Variants in ZNF536 observed in about 807,000 individuals in gnomAD.
The protein encoded by ZNF536 is zinc finger protein 536.
ZNF536 carries 13 observed loss-of-function variants against 84.5 expected under a neutral mutation model. That is an observed-to-expected ratio of 0.15 (90% confidence interval 0.10 to 0.24). The LOEUF is 0.24. ZNF536 is among the 10% of genes least tolerant of loss of function. The pLI is 1.00. For synonymous variants in ZNF536, 811 were observed against 742.5 expected, an observed-to-expected ratio of 1.09 and a Z score of -1.50; for missense variants, 1,536 against 1,747.5, an observed-to-expected ratio of 0.88 and a Z score of 2.16.
intron 1 of ZNF536, among the ~76,000 whole-genome samples, chr19:30,283,060 A>G (rs1037113410): frequency 1.3e-5 from 2 of 152,198 alleles, no homozygotes; most frequent in African/African-American, 4.8e-5. Context: ...AATCAGTACA[A>G]ACTTCTTCGG....
intron 1 of ZNF536, among the ~76,000 whole-genome samples, chr19:30,652,817 G>A (rs962526191): frequency 2.0e-5 from 3 of 152,190 alleles, no homozygotes; most frequent in African/African-American, 7.2e-5. Context: ...CACCTGGGGC[G>A]TGGGCTTGGG....
At chr19:30,662,081 G>C (rs1396727375) in intron 1 of ZNF536, among the ~76,000 whole-genome samples, 1 of 152,128 alleles carries the variant, frequency 6.6e-6, no homozygotes, top group Non-Finnish European at 1.5e-5. Context: ...CCCAAAAATA[G>C]CACGTGATTG....
At chr19:30,407,843 C>T (rs1230418358) in intron 1 of ZNF536, among the ~76,000 whole-genome samples, 1 of 152,158 alleles carries the variant, frequency 6.6e-6, no homozygotes, top group African/African-American at 2.4e-5. Flanking sequence ...TTTATTTAAT[C>T]CAGTCCCGTG....
intron 1 of ZNF536, among the ~76,000 whole-genome samples, chr19:30,259,275 A>C (rs879565279): frequency 1.3e-5 from 2 of 152,196 alleles, no homozygotes; most frequent in Non-Finnish European, 2.9e-5. Flanking sequence ...AAAAGACCTC[A>C]CACTCTTCTG....
At chr19:30,481,645 C>A (rs1440664129) in intron 2 of ZNF536, among the ~76,000 whole-genome samples, 3 of 152,046 alleles carry the variant, frequency 2.0e-5, no homozygotes, top group South Asian at 2.1e-4. Context: ...GAATTGAGTT[C>A]TTTTTAAAAA....
At chr19:30,502,046 C>T (rs1399350276) in intron 2 of ZNF536, among the ~76,000 whole-genome samples, 1 of 152,166 alleles carries the variant, frequency 6.6e-6, no homozygotes, top group Non-Finnish European at 1.5e-5. Context: ...GTTGAATTTA[C>T]TCAGTAAGTA....
At chr19:30,688,329 T>G (rs1324072408) in intron 1 of ZNF536, among the ~76,000 whole-genome samples, 2 of 152,092 alleles carry the variant, frequency 1.3e-5, no homozygotes, top group Non-Finnish European at 2.9e-5. Flanking sequence ...TTGAGGAGAG[T>G]GTGTGCGTGA....
intron 2 of ZNF536, among the ~76,000 whole-genome samples, chr19:30,475,596 G>A (rs1315388914): frequency 6.6e-6 from 1 of 152,210 alleles, no homozygotes; most frequent in Non-Finnish European, 1.5e-5. Context: ...TGCCACAGTA[G>A]GCATCTTGTC....
intron 1 of ZNF536, among the ~76,000 whole-genome samples, chr19:30,623,670 C>T (rs1397600453): frequency 1.3e-5 from 2 of 152,212 alleles, no homozygotes; most frequent in Admixed American, 1.3e-4. Context: ...TGTAGCCTCT[C>T]AGTGAGGCCT....
intron 2 of ZNF536, among the ~76,000 whole-genome samples, chr19:30,306,998 A>G (rs566685730): frequency 6.6e-5 from 10 of 152,066 alleles, no homozygotes; most frequent in Non-Finnish European, 1.0e-4. Flanking sequence ...ATATTTTTAT[A>G]TATATATATC....
chr19:30,416,883 G>A (rs974589637), intron 1 of ZNF536, among the ~76,000 whole-genome samples: 29 of 152,018 alleles, frequency 1.9e-4, no homozygotes, highest in African/African-American at 6.8e-4. Flanking sequence ...GAGTTTTTGT[G>A]GATCAGCTCA....
intron 1 of ZNF536, among the ~76,000 whole-genome samples, chr19:30,700,238 TTCTCTCTCTCTCTC>T (rs141789281): frequency 2.0e-5 from 2 of 97,908 alleles, no homozygotes; most frequent in African/African-American, 7.9e-5. Flanking sequence ...CTTTCTTTCT[TTCTCTCTCTCTCTC>T]TCTTTCTTTC....
intron 1 of ZNF536, among the ~76,000 whole-genome samples, chr19:30,691,256 C>G (rs532110306): frequency 2.0e-5 from 3 of 152,226 alleles, no homozygotes; most frequent in East Asian, 1.9e-4. Flanking sequence ...TGGCCCACCC[C>G]CCACATGCAC....
At chr19:30,271,796 C>G (rs1306378137) in intron 1 of ZNF536, among the ~76,000 whole-genome samples, 1 of 152,188 alleles carries the variant, frequency 6.6e-6, no homozygotes, top group African/African-American at 2.4e-5. Context: ...GCTCCTTGCC[C>G]TATGTGTCCT....
At chr19:30,371,630 C>T (rs902046797), upstream of ZNF536, among the ~76,000 whole-genome samples, 34 of 149,820 alleles carry the variant, frequency 2.3e-4, no homozygotes, top group Middle Eastern at 3.4e-3. Context: ...TCTAGTATCA[C>T]TGCATCTGCC....
chr19:30,658,487 G>T (rs1464837538), intron 1 of ZNF536, among the ~76,000 whole-genome samples: 1 of 151,954 alleles, frequency 6.6e-6, no homozygotes, highest in Non-Finnish European at 1.5e-5. Flanking sequence ...ACACCTCAGG[G>T]TCTTTGAATA....
chr19:30,384,196 C>T (rs1265208974), intron 1 of ZNF536, among the ~76,000 whole-genome samples: 1 of 61,842 alleles, frequency 1.6e-5, no homozygotes, highest in East Asian at 3.1e-4. Flanking sequence ...TCCTTCCTTC[C>T]TTCCTTCCAT....
chr19:30,382,957 C>T (rs554495306), intron 1 of ZNF536, among the ~76,000 whole-genome samples: 1 of 152,280 alleles, frequency 6.6e-6, no homozygotes, highest in South Asian at 2.1e-4. Flanking sequence ...GATAGTCTTG[C>T]ACAATTAAAA....
At chr19:30,581,292 C>T (rs1184832875) in intron 1 of ZNF536, among the ~76,000 whole-genome samples, 1 of 152,110 alleles carries the variant, frequency 6.6e-6, no homozygotes, top group Non-Finnish European at 1.5e-5. Flanking sequence ...GTCTGGCCAA[C>T]ACAGTGAAAC....
Sources: gnomAD v4.1 joint callset for allele counts (sites outside exome capture counted in the v4.1 genomes callset) on GRCh38, gnomAD v4.1.1 for gene constraint, MANE v1.5 for transcripts, NCBI Gene and HGNC (gene_info 2026-07-23, HGNC 2026-07-21) for gene names.